Variants in PAPSS1 observed in about 807,000 individuals in gnomAD.
The protein encoded by PAPSS1 is bifunctional 3'-phosphoadenosine 5'-phosphosulfate synthase 1.
PAPSS1 carries 50 observed loss-of-function variants against 72.0 expected under a neutral mutation model. That is an observed-to-expected ratio of 0.69 (90% CI 0.55 to 0.88). The LOEUF (loss-of-function observed/expected upper bound fraction) is 0.88, where lower values mean the gene tolerates loss of function less well. PAPSS1 is among the 40% of genes least tolerant of loss of function. The pLI is 0.00. For synonymous variants in PAPSS1, 261 were observed against 263.6 expected (o/e 0.99, Z 0.09); for missense variants, 657 against 782.2 (o/e 0.84, Z 1.91).
At chr4:107,615,274 G>A (rs111710296) in intron 11 of PAPSS1, among the ~76,000 whole-genome samples, 43 of 152,120 alleles carry the variant, frequency 2.8e-4, no homozygotes, top group African/African-American at 8.4e-4. Flanking sequence ...ATCCATCCTC[G>A]TCTCTCAAAC....
chr4:107,634,828 C>T (rs1489968860), intron 10 of PAPSS1, among the ~76,000 whole-genome samples: 3 of 117,878 alleles, frequency 2.5e-5, no homozygotes, highest in Admixed American at 1.0e-4. Flanking sequence ...GAGATGGAGT[C>T]TCGCTGTGTC....
At chr4:107,634,877 A>C (rs1418857400) in intron 10 of PAPSS1, among the ~76,000 whole-genome samples, 1 of 141,662 alleles carries the variant, frequency 7.1e-6, no homozygotes, top group East Asian at 2.0e-4. Flanking sequence ...GGCTCAGTGC[A>C]AGCTCCGCCT....
At chr4:107,707,255 G>A (rs1355433146) in intron 1 of PAPSS1, among the ~76,000 whole-genome samples, 2 of 152,188 alleles carry the variant, frequency 1.3e-5, no homozygotes, top group Non-Finnish European at 2.9e-5. Context: ...CTGAAGCTGG[G>A]ACAGCTTGAA....
chr4:107,625,667 T>A (rs1038320783), intron 11 of PAPSS1, among the ~76,000 whole-genome samples: 1 of 152,112 alleles, frequency 6.6e-6, no homozygotes, highest in Non-Finnish European at 1.5e-5. Flanking sequence ...TAAAGAACCA[T>A]GCATGAGGTA....
intron 3 of PAPSS1, among the ~76,000 whole-genome samples, chr4:107,688,870 A>T (rs1722851601): frequency 6.6e-6 from 1 of 152,132 alleles, no homozygotes; most frequent in Non-Finnish European, 1.5e-5. Context: ...GTCCAAAACT[A>T]AATCCAGTCC....
chr4:107,651,311 T>C (rs1472958359), intron 9 of PAPSS1, among the ~76,000 whole-genome samples: 1 of 152,196 alleles, frequency 6.6e-6, no homozygotes, highest in Admixed American at 6.5e-5. Flanking sequence ...ACCCATTTTA[T>C]TAAGTTCATA....
intron 9 of PAPSS1, among the ~76,000 whole-genome samples, chr4:107,645,462 C>T (rs1465883638): frequency 6.6e-6 from 1 of 152,154 alleles, no homozygotes; most frequent in Non-Finnish European, 1.5e-5. Context: ...TCAATCCCTC[C>T]AAACGACCTA....
At chr4:107,714,409 C>T (rs1435139913) in intron 1 of PAPSS1, among the ~76,000 whole-genome samples, 1 of 152,114 alleles carries the variant, frequency 6.6e-6, no homozygotes, top group Admixed American at 6.5e-5. Context: ...TCTCTACTAC[C>T]GCTTAACACC....
At chr4:107,641,017 A>C (rs760680100) in intron 10 of PAPSS1, among the ~76,000 whole-genome samples, 3 of 152,160 alleles carry the variant, frequency 2.0e-5, no homozygotes, top group Non-Finnish European at 4.4e-5. Flanking sequence ...AAGGAGCCCT[A>C]GAAGGAAAAA....
intron 1 of PAPSS1, among the ~76,000 whole-genome samples, chr4:107,712,805 G>A (rs574263413): frequency 2.6e-5 from 4 of 151,710 alleles, no homozygotes; most frequent in South Asian, 2.1e-4. Flanking sequence ...CCAGGGATGC[G>A]GAGGTTGCAG....
At chr4:107,712,856 A>G (rs1723530790) in intron 1 of PAPSS1, among the ~76,000 whole-genome samples, 2 of 145,512 alleles carry the variant, frequency 1.4e-5, no homozygotes, top group African/African-American at 2.5e-5. Flanking sequence ...CAGGCGACAG[A>G]GCGAGACTCC....
chr4:107,643,491 G>A (rs1726610279), intron 10 of PAPSS1, among the ~76,000 whole-genome samples: 1 of 152,136 alleles, frequency 6.6e-6, no homozygotes. Flanking sequence ...CCTCTCTATA[G>A]AATCCTGCTC....
At chr4:107,632,389 T>C (rs1302521530) in intron 10 of PAPSS1, among the ~76,000 whole-genome samples, 1 of 152,066 alleles carries the variant, frequency 6.6e-6, no homozygotes. Context: ...TATTATACTT[T>C]AACAGGTTAA....
intron 2 of PAPSS1, among the ~76,000 whole-genome samples, chr4:107,695,720 C>T (rs1723048588): frequency 6.6e-6 from 1 of 152,114 alleles, no homozygotes; most frequent in East Asian, 1.9e-4. Context: ...TTATCAAAGG[C>T]CCTTCCTGTG....
chr4:107,671,509 C>T (rs4956024), intron 5 of PAPSS1, among the ~76,000 whole-genome samples: 27,575 of 151,926 alleles, frequency 0.18, 2,940 homozygotes, highest in East Asian at 0.37. Context: ...GATTAATAAG[C>T]CCCATAAAAT....
rs780065504 is a variant in PAPSS1 at position 107,644,955 on chromosome 4, G to A, written c.1353C>T (p.Leu451=). The change falls in exon 10 of 12, where the codon CTC becomes CTT. Residue 451 remains leucine, a synonymous_variant. Transcript: ENST00000265174. ...CCTTTGTCCAGCCACCCAGAGGGTG[G>A]AGGAGGAGGACAGGGCGCCGGTAGC... ...ERGYRRPVLL[L]HPLGGWTKDD... 20 of 1,613,758 alleles carry A rather than the reference G, an allele frequency of 1.2e-5. No individual in the cohort carries two copies. Among genetic ancestry groups the A allele is most frequent in the Middle Eastern group, 1.6e-4 (1 of 6,080 alleles).
chr4:107,659,111 A>C (rs992724565), intron 6 of PAPSS1, among the ~76,000 whole-genome samples: 3 of 152,092 alleles, frequency 2.0e-5, no homozygotes, highest in Admixed American at 6.5e-5. Flanking sequence ...GTAACAGTTC[A>C]CTTCCTGAGC....
At chr4:107,628,995 G>C (rs927167185) in intron 11 of PAPSS1, among the ~76,000 whole-genome samples, 2 of 152,138 alleles carry the variant, frequency 1.3e-5, no homozygotes, top group African/African-American at 4.8e-5. Flanking sequence ...CAGATACAAG[G>C]GGCCTCCAAA....
rs1578402539 is a variant in PAPSS1 at position 107,656,990 on chromosome 4, C to T, written c.801G>A (p.Val267=). ...LKINKVDMQW[V]QVLAEGWATP... ...TTGCCCAACCTTCTGCCAAAACCTG[C>T]ACCCACTGCATATCCACCTAGTAAA... is the stretch of plus-strand genomic sequence containing the variant. The change falls in exon 7 of 12, where the codon GTG becomes GTA. Residue 267 remains valine, a synonymous_variant. Transcript: ENST00000265174. 2 of 1,613,228 alleles carry T rather than the reference C, an allele frequency of 1.2e-6. No individual in the cohort carries two copies. Among genetic ancestry groups the T allele is most frequent in the Non-Finnish European group, 1.7e-6 (2 of 1,179,190 alleles).
Sources: allele counts gnomAD v4.1 joint callset (sites outside exome capture counted in the v4.1 genomes callset), GRCh38; gene constraint gnomAD v4.1.1; transcripts MANE v1.5; gene names NCBI Gene and HGNC (gene_info 2026-07-23, HGNC 2026-07-21).